The following KLHL32 variants were observed in gnomAD, a reference collection of about 807,000 sequenced individuals.
KLHL32 encodes the protein kelch like family member 32.
In KLHL32, 35 loss-of-function variants were observed where a neutral mutation model predicts 64.8. The observed-to-expected ratio is 0.54, with a 90% CI of 0.41 to 0.72. KLHL32 has a LOEUF of 0.72. Among genes scored for constraint, KLHL32 ranks in the 30% least tolerant of loss-of-function variants. KLHL32 has a pLI of 0.00. For missense variants in KLHL32, 589 were observed against 768.5 expected, an observed-to-expected ratio of 0.77 and a Z score of 2.76; for synonymous variants, 259 against 281.0, an observed-to-expected ratio of 0.92 and a Z score of 0.78.
intron 6 of KLHL32, among the ~76,000 whole-genome samples, chr6:97,096,016 A>C (rs1794934452): frequency 6.6e-6 from 1 of 152,208 alleles, no homozygotes; most frequent in Admixed American, 6.5e-5. Context: ...TCATAAAATG[A>C]GGCCCGGTTC....
intron 4 of KLHL32, among the ~76,000 whole-genome samples, chr6:97,057,206 C>T (rs1474507934): frequency 2.1e-5 from 1 of 48,548 alleles, no homozygotes; most frequent in Non-Finnish European, 2.9e-5. Context: ...TTTTTTGAGA[C>T]GGAGTTTCGC....
intron 3 of KLHL32, among the ~76,000 whole-genome samples, chr6:97,006,786 T>A (rs1376414192): frequency 6.6e-6 from 1 of 152,102 alleles, no homozygotes; most frequent in South Asian, 2.1e-4. Flanking sequence ...CTTTGTTGGA[T>A]TTTTTTTCTT....
intron 6 of KLHL32, among the ~76,000 whole-genome samples, chr6:97,108,679 A>C (rs1796724846): frequency 1.3e-5 from 2 of 152,222 alleles, no homozygotes; most frequent in African/African-American, 4.8e-5. Flanking sequence ...GAGCACAGTA[A>C]CACTTTTACA....
chr6:97,062,105 C>T (rs180979802), intron 4 of KLHL32, among the ~76,000 whole-genome samples: 38 of 152,294 alleles, frequency 2.5e-4, no homozygotes, highest in Non-Finnish European at 5.0e-4. Flanking sequence ...CAAAAACAAT[C>T]GCCGTATGGG....
chr6:97,007,992 G>A (rs1779880986), intron 3 of KLHL32, among the ~76,000 whole-genome samples: 1 of 152,242 alleles, frequency 6.6e-6, no homozygotes, highest in Admixed American at 6.5e-5. Context: ...AATGCTCAGT[G>A]TGTATGTGAA....
At position 97,139,151 on chromosome 6, in the gene KLHL32, G is replaced by T. The variant is rs763761553; in HGVS notation, c.1732G>T (p.Glu578Ter). ...GGATGTAAGCAGAGAAGGCAAAGAAGAAGTATTCTATGGGCCTACACTCCC... is the reference window on the plus strand; with the variant it reads ...GGATGTAAGCAGAGAAGGCAAAGAATAAGTATTCTATGGGCCTACACTCCC... The part of the protein sequence containing the change: ...VLDVSREGKE[E>*]VFYGPTLPFA... Residue 578 changes from glutamate (E) to a stop codon, truncating the protein, a stop_gained, in exon 11 of 11, where the codon GAA becomes TAA. Coordinates refer to ENST00000369261, the MANE Select transcript of KLHL32 (RefSeq NM_052904.4). LOFTEE classifies it high-confidence loss of function. The T allele has an allele frequency of 6.2e-7, 1 of 1,613,946 alleles. No homozygotes were observed.
At chr6:97,075,721 G>C (rs570614235) in intron 5 of KLHL32, among the ~76,000 whole-genome samples, 3 of 152,128 alleles carry the variant, frequency 2.0e-5, no homozygotes, top group Non-Finnish European at 2.9e-5. Flanking sequence ...GCAGCACCAG[G>C]TTAGGTAGTC....
intron 3 of KLHL32, among the ~76,000 whole-genome samples, chr6:97,001,478 G>T (rs533928314): frequency 1.3e-5 from 2 of 152,156 alleles, no homozygotes; most frequent in East Asian, 3.9e-4. Context: ...TTTTTTGTTT[G>T]TTTGTTTGTT....
intron 3 of KLHL32, among the ~76,000 whole-genome samples, chr6:97,007,522 C>A (rs936440486): frequency 1.8e-4 from 27 of 152,184 alleles, no homozygotes; most frequent in African/African-American, 6.5e-4. Context: ...CCATTGCTGA[C>A]AAACTAGCGT....
At chr6:97,003,589 T>G (rs1374398682) in intron 3 of KLHL32, among the ~76,000 whole-genome samples, 2 of 152,218 alleles carry the variant, frequency 1.3e-5, no homozygotes, top group African/African-American at 4.8e-5. Context: ...GAAATGGTAT[T>G]TCCTAGATTA....
intron 3 of KLHL32, among the ~76,000 whole-genome samples, chr6:97,004,653 T>C (rs930461026): frequency 1.3e-5 from 2 of 152,170 alleles, no homozygotes; most frequent in African/African-American, 4.8e-5. Flanking sequence ...GTTCCTTCAG[T>C]GCCTAGTTTA....
chr6:97,051,449 G>T (rs571212716), intron 4 of KLHL32, among the ~76,000 whole-genome samples: 1 of 152,318 alleles, frequency 6.6e-6, no homozygotes, highest in South Asian at 2.1e-4. Context: ...CGAGTATCCA[G>T]TAACTCCAAA....
intron 2 of KLHL32, among the ~76,000 whole-genome samples, chr6:96,970,701 A>T (rs1002251665): frequency 6.6e-6 from 1 of 152,216 alleles, no homozygotes; most frequent in Non-Finnish European, 1.5e-5. Context: ...CTATTCATTC[A>T]TAATTAAGTT....
intron 2 of KLHL32, among the ~76,000 whole-genome samples, chr6:96,974,349 A>C (rs1396210156): frequency 5.9e-5 from 9 of 152,192 alleles, no homozygotes; most frequent in Admixed American, 5.2e-4. Flanking sequence ...TCTTGATTTG[A>C]GATGCTAATT....
At chr6:97,007,144 G>T (rs564409871) in intron 3 of KLHL32, among the ~76,000 whole-genome samples, 3 of 151,132 alleles carry the variant, frequency 2.0e-5, no homozygotes, top group Admixed American at 6.6e-5. Context: ...TTGTAGATTT[G>T]GTCTCTTTAC....
chr6:97,063,527 G>A (rs1789244714), intron 4 of KLHL32, among the ~76,000 whole-genome samples: 1 of 152,130 alleles, frequency 6.6e-6, no homozygotes, highest in Non-Finnish European at 1.5e-5. Flanking sequence ...GTGGTAAGAG[G>A]TTTTCAAAGA....
chr6:97,130,248 G>T (rs1464797225), intron 8 of KLHL32, among the ~76,000 whole-genome samples: 2 of 152,108 alleles, frequency 1.3e-5, no homozygotes, highest in Non-Finnish European at 2.9e-5. Flanking sequence ...AGGCTTATCA[G>T]GTAGGCATTA....
At chr6:96,932,256 GTT>G (rs68171946) in intron 1 of KLHL32, among the ~76,000 whole-genome samples, 1 of 141,740 alleles carries the variant, frequency 7.1e-6, no homozygotes, top group African/African-American at 2.6e-5. Flanking sequence ...TGGAATCAAT[GTT>G]TTTTTTTTCC....
intron 6 of KLHL32, among the ~76,000 whole-genome samples, chr6:97,099,339 G>A (rs1795392376): frequency 6.6e-6 from 1 of 152,224 alleles, no homozygotes; most frequent in South Asian, 2.1e-4. Context: ...ATGGGGCCCA[G>A]TTTCTTTTTC....
Sources: gnomAD v4.1 joint callset for allele counts (sites outside exome capture counted in the v4.1 genomes callset) on GRCh38, gnomAD v4.1.1 for gene constraint, MANE v1.5 for transcripts, NCBI Gene and HGNC (gene_info 2026-07-23, HGNC 2026-07-21) for gene names.